PPFIBP2: variants seen among roughly 807,000 people sequenced by gnomAD.
The protein encoded by PPFIBP2 is PPFIB scaffold protein 2.
PPFIBP2 carries 118 observed loss-of-function variants against 118.3 expected under a neutral mutation model. The ratio of observed to expected loss-of-function variants is 1.00; its 90% CI spans 0.86 to 1.16. PPFIBP2 has a LOEUF of 1.16. Ranked by LOEUF, PPFIBP2 falls within the 50% of genes most tolerant of loss-of-function variation. The pLI is 0.00. For synonymous variants in PPFIBP2, 414 were observed against 397.4 expected (o/e 1.04, Z -0.50); for missense variants, 1,195 against 1,073.1 (o/e 1.11, Z -1.59).
At position 7,536,710 on chromosome 11, in the gene PPFIBP2, G is replaced by A. The variant is rs1851257094; in HGVS notation, c.-36-12730G>A. ...CTGATGGAGCCGTATGTGTTGTGTAGCATCCCGGGAGCAGAAGGAAGAAGA... is the reference window on the plus strand; with the variant it reads ...CTGATGGAGCCGTATGTGTTGTGTAACATCCCGGGAGCAGAAGGAAGAAGA... On this transcript the variant is annotated intron_variant, in intron 1 of 23. Coordinates refer to ENST00000299492, the MANE Select transcript of PPFIBP2 (RefSeq NM_003621.5). Among the ~76,000 whole-genome samples, 3 of 152,246 alleles carry A rather than the reference G, an allele frequency of 2.0e-5. No individual in the cohort carries two copies. The South Asian group carries it at 6.2e-4, about 32-fold the overall frequency.
intron 1 of PPFIBP2, among the ~76,000 whole-genome samples, chr11:7,549,059 C>T (rs1485858139): frequency 6.6e-6 from 1 of 152,210 alleles, no homozygotes. Context: ...TACGCCCTGA[C>T]AGTGTCCCTG....
chr11:7,551,215 G>A (rs1033026465), intron 2 of PPFIBP2, among the ~76,000 whole-genome samples: 5 of 152,076 alleles, frequency 3.3e-5, no homozygotes, highest in Admixed American at 6.6e-5. Flanking sequence ...GGGGTCTCAC[G>A]TGCATTGGGA....
intron 1 of PPFIBP2, among the ~76,000 whole-genome samples, chr11:7,526,738 A>G (rs918980978): frequency 1.3e-5 from 2 of 152,064 alleles, no homozygotes; most frequent in African/African-American, 2.4e-5. Flanking sequence ...CGGCGTGACT[A>G]TGCGGAAGCT....
chr11:7,567,530 C>T (rs981984557), intron 3 of PPFIBP2, among the ~76,000 whole-genome samples: 11 of 152,234 alleles, frequency 7.2e-5, no homozygotes, highest in South Asian at 6.2e-4. Flanking sequence ...CTATGCATGG[C>T]GAAGCAAGTA....
intron 21 of PPFIBP2, 128 bp downstream of exon 21, chr11:7,649,782 T>C (rs1853696784): frequency 7.2e-7 from 1 of 1,391,822 alleles, no homozygotes; most frequent in South Asian, 1.4e-5. Flanking sequence ...GATTCTTTTG[T>C]TTGCTTGTGC....
At chr11:7,554,201 A>G (rs1229030337) in intron 2 of PPFIBP2, among the ~76,000 whole-genome samples, 1 of 152,212 alleles carries the variant, frequency 6.6e-6, no homozygotes, top group African/African-American at 2.4e-5. Flanking sequence ...TCAAGTACCC[A>G]AAGAATGTAT....
chr11:7,608,492 C>T (rs61888781), intron 5 of PPFIBP2, among the ~76,000 whole-genome samples: 25,007 of 151,926 alleles, frequency 0.16, 3,113 homozygotes, highest in African/African-American at 0.35. Flanking sequence ...AATACAAAAT[C>T]CGCTGGGCGT....
chr11:7,644,081 T>C (rs1852615248), intron 17 of PPFIBP2, among the ~76,000 whole-genome samples: 1 of 151,802 alleles, frequency 6.6e-6, no homozygotes, highest in Non-Finnish European at 1.5e-5. Context: ...TTTGTCCTTT[T>C]AATTCTTTTG....
chr11:7,639,426 A>T (rs773995933), intron 14 of PPFIBP2, among the ~76,000 whole-genome samples: 1 of 152,242 alleles, frequency 6.6e-6, no homozygotes, highest in Non-Finnish European at 1.5e-5. Flanking sequence ...GTCTCTGAGC[A>T]CTAGGCCAGA....
chr11:7,580,797 C>T (rs1254747652), intron 3 of PPFIBP2, among the ~76,000 whole-genome samples: 4 of 152,074 alleles, frequency 2.6e-5, no homozygotes, highest in Admixed American at 6.5e-5. Context: ...TAAGATAGTA[C>T]GATTAGTGCA....
chr11:7,535,979 C>G (rs1330961565), intron 1 of PPFIBP2, among the ~76,000 whole-genome samples: 1 of 152,202 alleles, frequency 6.6e-6, no homozygotes, highest in Admixed American at 6.5e-5. Context: ...AGGAGAGTGT[C>G]ACCACTGATG....
intron 1 of PPFIBP2, among the ~76,000 whole-genome samples, chr11:7,532,721 C>T (rs562252842): frequency 6.6e-6 from 1 of 152,208 alleles, no homozygotes; most frequent in Non-Finnish European, 1.5e-5. Flanking sequence ...GAGGCAGAGG[C>T]CAGGCTGTTG....
intron 3 of PPFIBP2, among the ~76,000 whole-genome samples, chr11:7,566,302 G>T: frequency 6.6e-6 from 1 of 152,104 alleles, no homozygotes; most frequent in East Asian, 1.9e-4. Flanking sequence ...CTAAACTTTT[G>T]ATTCTATATC....
the PPFIBP2 span, chr11:7,665,812 C>A: frequency 6.6e-7 from 1 of 1,520,948 alleles, no homozygotes; most frequent in South Asian, 1.2e-5. Context: ...GGAAGGAGAA[C>A]ACAACGAGGT....
At chr11:7,528,863 C>CT (rs1850442254) in intron 1 of PPFIBP2, among the ~76,000 whole-genome samples, 1 of 152,114 alleles carries the variant, frequency 6.6e-6, no homozygotes, top group Admixed American at 6.5e-5. Context: ...GTCAGCCAGT[C>CT]TTTGTTGCTG....
intron 6 of PPFIBP2, among the ~76,000 whole-genome samples, chr11:7,617,953 C>G (rs1206827546): frequency 6.6e-6 from 1 of 152,082 alleles, no homozygotes; most frequent in African/African-American, 2.4e-5. Flanking sequence ...TTGCTGATGG[C>G]AGGTGATGGC....
At chr11:7,532,977 A>G (rs1025022165) in intron 1 of PPFIBP2, among the ~76,000 whole-genome samples, 1 of 151,908 alleles carries the variant, frequency 6.6e-6, no homozygotes, top group Admixed American at 6.6e-5. Flanking sequence ...GGAGTTGGCT[A>G]TAGGCAAAAG....
intron 4 of PPFIBP2, chr11:7,597,339 T>C (rs1287608664): frequency 1.3e-6 from 2 of 1,535,680 alleles, no homozygotes. Flanking sequence ...ACGTGACCCA[T>C]GTCATCAGAG....
At position 7,653,305 on chromosome 11, in the gene PPFIBP2, G is replaced by T; in HGVS notation, c.*87G>T. ...ATATAACTGCACCTCACCCCCGCACGTGTGCATGACTCGCAGAGAATATTC... is the reference window on the plus strand; with the variant it reads ...ATATAACTGCACCTCACCCCCGCACTTGTGCATGACTCGCAGAGAATATTC... On this transcript the variant is annotated 3_prime_UTR_variant, in exon 24 of 24. Transcript: ENST00000299492. The T allele has an allele frequency of 6.4e-7, 1 of 1,574,570 alleles. No individual in the cohort carries two copies.
Sources: allele counts gnomAD v4.1 joint callset (sites outside exome capture counted in the v4.1 genomes callset), GRCh38; gene constraint gnomAD v4.1.1; transcripts MANE v1.5; gene names NCBI Gene and HGNC (gene_info 2026-07-23, HGNC 2026-07-21).